Variants in C1orf185 observed in about 807,000 individuals in gnomAD.
The protein encoded by C1orf185 is chromosome 1 open reading frame 185, also known as uncharacterized protein C1orf185.
A neutral mutation model predicts 16.1 loss-of-function variants in C1orf185; 13 were observed. That is an observed-to-expected ratio of 0.81 (90% CI 0.53 to 1.28). C1orf185 has a LOEUF of 1.28. Ranked by LOEUF, C1orf185 falls within the 50% of genes most tolerant of loss-of-function variation. C1orf185 has a pLI of 0.00. For missense variants in C1orf185, 220 were observed against 225.2 expected (o/e 0.98, Z 0.15); for synonymous variants, 80 against 76.9 (o/e 1.04, Z -0.21).
chr1:51,105,654 T>C (rs746830851), intron 1 of C1orf185, among the ~76,000 whole-genome samples: 1 of 152,174 alleles, frequency 6.6e-6, no homozygotes, highest in African/African-American at 2.4e-5. Context: ...AAATAAAGAA[T>C]ATTATTAATG....
At chr1:51,120,960 A>G (rs1177423596) in intron 3 of C1orf185, among the ~76,000 whole-genome samples, 2 of 152,146 alleles carry the variant, frequency 1.3e-5, no homozygotes, top group Non-Finnish European at 2.9e-5. Context: ...AAGATAATTC[A>G]GGATTCTTTT....
At chr1:51,134,857 T>C (rs376211808) in intron 3 of C1orf185, among the ~76,000 whole-genome samples, 1 of 152,076 alleles carries the variant, frequency 6.6e-6, no homozygotes, top group African/African-American at 2.4e-5. Flanking sequence ...CAGTGGTAAA[T>C]AGCCTATCAA....
At chr1:51,103,168 G>A (rs1646043940) in intron 1 of C1orf185, among the ~76,000 whole-genome samples, 1 of 151,978 alleles carries the variant, frequency 6.6e-6, no homozygotes, top group Non-Finnish European at 1.5e-5. Context: ...CACTTTGAGA[G>A]GCCGAGGTGG....
intron 1 of C1orf185, among the ~76,000 whole-genome samples, chr1:51,102,642 G>A (rs72692269): frequency 0.012 from 1,843 of 151,578 alleles, 15 homozygotes; most frequent in Non-Finnish European, 0.018. Flanking sequence ...ATTTATTTAT[G>A]CCTTCTATTT....
At chr1:51,145,307 AAATAATAAT>A (rs111332471) in intron 3 of C1orf185, among the ~76,000 whole-genome samples, 3 of 150,524 alleles carry the variant, frequency 2.0e-5, no homozygotes, top group Non-Finnish European at 4.4e-5. Context: ...CCTGTCTCTA[AAATAATAAT>A]AATAATAATA....
downstream of C1orf185, among the ~76,000 whole-genome samples, chr1:51,149,155 T>C (rs1646418506): frequency 6.6e-6 from 1 of 152,170 alleles, no homozygotes; most frequent in Non-Finnish European, 1.5e-5. Context: ...TTCTTTTTTT[T>C]CCTAAACATT....
At chr1:51,112,690 G>T (rs1570292052) in intron 2 of C1orf185, 121 bp downstream of exon 2, 5 of 908,372 alleles carry the variant, frequency 5.5e-6, no homozygotes, top group Non-Finnish European at 3.1e-6. Context: ...TTTGGGATTT[G>T]GTTATAGACC....
chr1:51,134,787 C>T (rs1256752928), intron 3 of C1orf185, among the ~76,000 whole-genome samples: 3 of 152,084 alleles, frequency 2.0e-5, no homozygotes, highest in Non-Finnish European at 2.9e-5. Flanking sequence ...TACTTCCTAA[C>T]ACTGAACCAG....
At chr1:51,142,341 C>T (rs994231212) in intron 3 of C1orf185, among the ~76,000 whole-genome samples, 44 of 152,178 alleles carry the variant, frequency 2.9e-4, no homozygotes, top group African/African-American at 9.4e-4. Flanking sequence ...TGAAAGTCCA[C>T]GACAGTTATT....
chr1:51,140,231 T>C (rs1270722403), intron 3 of C1orf185, among the ~76,000 whole-genome samples: 1 of 152,192 alleles, frequency 6.6e-6, no homozygotes, highest in Non-Finnish European at 1.5e-5. Context: ...TTTCTGTTTG[T>C]GCAAATTACA....
intron 1 of C1orf185, among the ~76,000 whole-genome samples, chr1:51,105,258 C>T (rs1427237576): frequency 6.6e-6 from 1 of 151,980 alleles, no homozygotes; most frequent in Non-Finnish European, 1.5e-5. Context: ...TGAGCCAACG[C>T]TCCCCACCTG....
intron 3 of C1orf185, among the ~76,000 whole-genome samples, chr1:51,141,485 C>T (rs972785465): frequency 1.3e-5 from 2 of 151,928 alleles, no homozygotes; most frequent in African/African-American, 4.8e-5. Context: ...AGGGTGAAAC[C>T]CCATCTTAAA....
chr1:51,132,742 C>T (rs544923028), intron 3 of C1orf185, among the ~76,000 whole-genome samples: 1 of 151,894 alleles, frequency 6.6e-6, no homozygotes, highest in African/African-American at 2.4e-5. Context: ...ATATTATCCC[C>T]GAGACACACA....
At chr1:51,129,559 T>C (rs1427844949) in intron 3 of C1orf185, 1 of 152,300 alleles carries the variant, frequency 6.6e-6, no homozygotes, top group African/African-American at 2.4e-5. Context: ...CTACAGACAA[T>C]TGCCACCACA....
chr1:51,102,324 GA>G, intron 1 of C1orf185, 75 bp downstream of exon 1: 1 of 701,310 alleles, frequency 1.4e-6, no homozygotes. Flanking sequence ...CGAACAACCA[GA>G]AATCTATTTC....
At chr1:51,121,072 A>T (rs925791654) in intron 3 of C1orf185, among the ~76,000 whole-genome samples, 2 of 152,218 alleles carry the variant, frequency 1.3e-5, no homozygotes, top group Admixed American at 1.3e-4. Flanking sequence ...GTTAGTTAAC[A>T]CGTGTGTTAT....
chr1:51,145,763 AT>A lies in C1orf185; in HGVS notation c.295+9del, dbSNP rs778949227. The A allele has an allele frequency of 1.9e-3, 2,448 of 1,295,752 alleles. 4 individuals are homozygous for A. The highest frequency in any genetic ancestry group is 2.3e-3 in the Non-Finnish European group (2,205 of 954,260). The allele number at this position is 1,295,752 out of a possible 1,614,324, so 80.3% of individuals were successfully genotyped here. On this transcript the variant is annotated splice_donor_region_variant and intron_variant, in intron 4 of 4. Coordinates refer to ENST00000371759, the MANE Select transcript of C1orf185 (RefSeq NM_001136508.2). ...AAAGGAAGCAGCACATATAAAAGGT[AT>A]TTTTTCTCAATAATTTATTAGAAGA...
At chr1:51,126,345 C>A (rs1646240236) in intron 3 of C1orf185, among the ~76,000 whole-genome samples, 1 of 152,050 alleles carries the variant, frequency 6.6e-6, no homozygotes, top group Non-Finnish European at 1.5e-5. Context: ...GTCACTGTAA[C>A]CTTGAACTCC....
At chr1:51,104,338 C>T (rs1464161609) in intron 1 of C1orf185, among the ~76,000 whole-genome samples, 2 of 152,128 alleles carry the variant, frequency 1.3e-5, no homozygotes, top group East Asian at 3.8e-4. Context: ...TCTGAAAATA[C>T]TCCTGGTACA....
Sources: gnomAD v4.1 joint callset for allele counts (sites outside exome capture counted in the v4.1 genomes callset) on GRCh38, gnomAD v4.1.1 for gene constraint, MANE v1.5 for transcripts, NCBI Gene and HGNC (gene_info 2026-07-23, HGNC 2026-07-21) for gene names.